MKI67: variants seen among roughly 807,000 people sequenced by gnomAD.
MKI67 encodes marker of proliferation Ki-67.
Under a neutral mutation model 233.5 loss-of-function variants are expected in MKI67, and 152 were observed. That is an observed-to-expected ratio of 0.65 (90% CI 0.57 to 0.74). The LOEUF (loss-of-function observed/expected upper bound fraction) is 0.74. Ranked by LOEUF, MKI67 falls within the 30% of genes least tolerant of loss-of-function variation. The pLI is 0.00. For missense variants in MKI67, 3,940 were observed against 3,885.2 expected (o/e 1.01, Z -0.37); for synonymous variants, 1,465 against 1,418.5 (o/e 1.03, Z -0.74).
rs540040283 is a variant in MKI67 at position 128,103,488 on chromosome 10, C to T, written c.8352G>A (p.Arg2784=). Residue 2784 remains arginine, a synonymous_variant, in exon 13 of 15, where the codon AGG becomes AGA. Coordinates refer to ENST00000368654, the MANE Select transcript of MKI67 (RefSeq NM_002417.5). ...PAPAASVTGS[R]RRPRAPRESA... ...TTTCCCTGGGTGCTCTTGGCCGTCT[C>T]CTGCTGCCAGTTACACTTGCTGCTG... 3 of 1,613,950 alleles carry T rather than the reference C, an allele frequency of 1.9e-6. No homozygotes were observed. In the Admixed American group the frequency reaches 5.0e-5, roughly 27 times the overall value.
At chr10:128,113,110 T>C (rs1852717161) in intron 8 of MKI67, among the ~76,000 whole-genome samples, 1 of 152,202 alleles carries the variant, frequency 6.6e-6, no homozygotes, top group African/African-American at 2.4e-5. Flanking sequence ...CCAGAATCTT[T>C]GTAATTGGCT....
rs377559591 is a variant in MKI67 at position 128,125,583 on chromosome 10, A to G, written c.85T>C (p.Phe29Leu). The change falls in exon 2 of 15, where the codon TTT becomes CTT. Residue 29 changes from phenylalanine to leucine, a missense_variant. By Grantham distance (22) the Phe-to-Leu change is conservative. Transcript: ENST00000368654. The surrounding 1 kb of genome is among the most constrained non-coding windows in gnomAD (Gnocchi z 5.3). ...CGCGCCCGCGGGGCTCACCTTCCAA[A>G]CAAGCAGGTGCTGAGGCTCAGGGGA... ...HFPLSLSTCL[F>L]GRGIECDIRI... 234 of 1,612,536 alleles carry G rather than the reference A, an allele frequency of 1.5e-4. 3 individuals carry two copies. In the Middle Eastern group the frequency reaches 2.9e-3, roughly 20 times the overall value.
At position 128,125,706 on chromosome 10, in the gene MKI67, G is replaced by T. The variant is rs1310592792; in HGVS notation, c.-39C>A. The T allele has an allele frequency of 1.3e-6, 2 of 1,551,006 alleles. No individual in the cohort carries two copies. The highest frequency in any genetic ancestry group is 1.4e-5 in the African/African-American group (1 of 73,868). The stretch of plus-strand genomic sequence containing the variant: ...AGTTGAGTATAATCCGTAGGGGAAG[G>T]CCAGGTATAATCCGTAGGGGAAGGC... On this transcript the variant is annotated 5_prime_UTR_variant, in exon 2 of 15. Coordinates refer to ENST00000368654, the MANE Select transcript of MKI67 (RefSeq NM_002417.5). This position sits in a 1 kb window ranked among gnomAD's most constrained non-coding sequence, Gnocchi z 5.3.
intron 5 of MKI67, among the ~76,000 whole-genome samples, chr10:128,118,835 C>T (rs1336889457): frequency 6.6e-6 from 1 of 152,192 alleles, no homozygotes; most frequent in African/African-American, 2.4e-5. Context: ...AGAGAAGCAT[C>T]TTTGGCACTC....
intron 13 of MKI67, 72 bp downstream of exon 13, chr10:128,102,507 A>C (rs1852355619): frequency 6.5e-7 from 1 of 1,540,756 alleles, no homozygotes; most frequent in African/African-American, 1.4e-5. Flanking sequence ...GTCAGGTTAC[A>C]TGCAAAGTAT....
At chr10:128,116,562 T>C in intron 5 of MKI67, 26 bp from the exon 6 acceptor site, 2 of 1,600,870 alleles carry the variant, frequency 1.2e-6, no homozygotes, top group East Asian at 2.2e-5. Context: ...ATAAGAACAG[T>C]TATTTGCAGG....
At position 128,115,081 on chromosome 10, in the gene MKI67, G is replaced by A. The variant is rs1030756832; in HGVS notation, c.1327C>T (p.Pro443Ser). 4 of 1,613,916 alleles carry A rather than the reference G, an allele frequency of 2.5e-6. No individual in the cohort carries two copies. The highest frequency in any genetic ancestry group is 3.4e-6 in the Non-Finnish European group (4 of 1,179,820). The change falls in exon 7 of 15, where the codon CCA (proline) becomes TCA (serine). Residue 443 changes from proline (P) to serine (S), a missense_variant. Coordinates refer to ENST00000368654, the MANE Select transcript of MKI67 (RefSeq NM_002417.5). Reference sequence around the variant, plus strand: ...TGAGTGAGCCACAGAGTTAAAAATGGCTCATTGTGAATTTCAGTTTCCGTA... The same window carrying A: ...TGAGTGAGCCACAGAGTTAAAAATGACTCATTGTGAATTTCAGTTTCCGTA... The part of the protein sequence containing the change: ...LPTETEIHNE[P>S]FLTLWLTQVE...
Position 128,111,992 on chromosome 10 carries a change from T to C in MKI67, c.2023A>G (p.Lys675Glu). ...VKLGAKQTQT[K>E]VIKHGPQRSM... ...CTTTGAGGACCATGTTTTATGACTT[T>C]AGTTTGTGTTTGTTTTGCACCAAGT... Residue 675 changes from lysine (K) to glutamate (E), a missense_variant, in exon 10 of 15, where the codon AAA (lysine) becomes GAA (glutamate). Physicochemically the swap from Lys to Glu is moderately conservative, Grantham distance 56 (BLOSUM62 1). Coordinates refer to ENST00000368654, the MANE Select transcript of MKI67 (RefSeq NM_002417.5). 2 of 1,613,772 alleles carry C rather than the reference T, an allele frequency of 1.2e-6. No homozygotes were observed. Among genetic ancestry groups the C allele is most frequent in the African/African-American group, 1.3e-5 (1 of 75,032 alleles).
In MKI67 at chr10:128,106,604, C is replaced by A. The variant is rs776545016; in HGVS notation, c.5236G>T (p.Asp1746Tyr). ...TGTGGCTTGGAGCTTGTTGGGGTGTCCACTAGGTCTGGCTGTGAAGCTCTG... is the reference window on the plus strand; with the variant it reads ...TGTGGCTTGGAGCTTGTTGGGGTGTACACTAGGTCTGGCTGTGAAGCTCTG... ...SYRASQPDLVDTPTSSKPQPK... is the reference protein window; with the variant it reads ...SYRASQPDLVYTPTSSKPQPK... The change falls in exon 13 of 15, where the codon GAC (aspartate) becomes TAC (tyrosine). Residue 1746 changes from aspartate to tyrosine, a missense_variant. By Grantham distance (160) the Asp-to-Tyr change is radical. Transcript: ENST00000368654. The A allele has an allele frequency of 2.5e-6, 4 of 1,613,962 alleles. No individual in the cohort carries two copies. The South Asian group carries it at 4.4e-5, about 18-fold the overall frequency.
chr10:128,115,763 A>G lies in MKI67; in HGVS notation c.645T>C (p.Tyr215=), dbSNP rs758592432. 6 of 1,613,360 alleles carry G rather than the reference A, an allele frequency of 3.7e-6. No individual in the cohort carries two copies. Among genetic ancestry groups the G allele is most frequent in the South Asian group, 1.1e-5 (1 of 91,090 alleles). ...TAGTGGGAACAGACTTCAATTCTCC[A>G]TAACGGCTCACTAATTTAACGCTGG... ...EISSVKLVSR[Y]GELKSVPTTQ... is the part of the protein sequence containing the mutation. The change falls in exon 7 of 15, where the codon TAT becomes TAC. Residue 215 remains tyrosine (Y), a synonymous_variant. Transcript: ENST00000368654.
chr10:128,107,591 T>C lies in MKI67; in HGVS notation c.4249A>G (p.Thr1417Ala), dbSNP rs1565005612. 1 of 1,614,156 alleles carries C rather than the reference T, an allele frequency of 6.2e-7. No homozygotes were observed. Among genetic ancestry groups the C allele is most frequent in the African/African-American group, 1.3e-5 (1 of 75,040 alleles). The change falls in exon 13 of 15, where the codon ACC (threonine) becomes GCC (alanine). Residue 1417 changes from threonine to alanine, a missense_variant. Physicochemically the swap from Thr to Ala is moderately conservative, Grantham distance 58. Coordinates refer to ENST00000368654, the MANE Select transcript of MKI67 (RefSeq NM_002417.5). ...CCTGGTACTTTATCTGTGTGTGTGG[T>C]TTCCCCTGATGTCTGTGTGAGCTTC... ...LKKLTQTSGE[T>A]THTDKVPGGE... is the part of the protein sequence containing the mutation.
chr10:128,111,794 CTG>C lies in MKI67; in HGVS notation c.2109_2110del (p.His703GlnfsTer4), dbSNP rs745517135. On this transcript the variant is annotated frameshift_variant, in exon 11 of 15. Coordinates refer to ENST00000368654, the MANE Select transcript of MKI67 (RefSeq NM_002417.5). LOFTEE classifies it high-confidence loss of function. ...GTTTGCGTGGCCTGTACTAAATTGA[CTG>C]TGAACTTCGCCCACAGGCTTCTGTA... 1 of 1,612,802 alleles carries C rather than the reference CTG, an allele frequency of 6.2e-7. No individual in the cohort carries two copies. Among genetic ancestry groups the C allele is most frequent in the Non-Finnish European group, 8.5e-7 (1 of 1,179,686 alleles).
In MKI67 at chr10:128,125,427, A is replaced by C; in HGVS notation, c.92+149T>G. ...TATACTTACAAAACAAAAAAACACA[A>C]CTATGTCAACTTAGTAACGAATGGG... On this transcript the variant is annotated intron_variant, in intron 2 of 14. Coordinates refer to ENST00000368654, the MANE Select transcript of MKI67 (RefSeq NM_002417.5). The surrounding 1 kb of genome is among the most constrained non-coding windows in gnomAD (Gnocchi z 5.3). 1.4e-6 allele frequency: 1 copy of C among 700,346 alleles called. No homozygotes were observed. The highest frequency in any genetic ancestry group is 2.5e-6 in the Non-Finnish European group (1 of 392,948). The allele number at this position is 700,346 out of a possible 1,614,324, so 43.4% of individuals were successfully genotyped here. A position where few individuals can be genotyped will look rare whatever the true frequency, so the allele number is the denominator to read the frequency against.
chr10:128,107,721 G>C lies in MKI67; in HGVS notation c.4119C>G (p.Cys1373Trp), dbSNP rs532498259. Reference sequence around the variant, plus strand: ...CTGCTGATTCTGGTGGAGAAGATTCGCAGGGCATTTTAGTAGTTTTGCCAG... The same window carrying C: ...CTGCTGATTCTGGTGGAGAAGATTCCCAGGGCATTTTAGTAGTTTTGCCAG... The part of the protein sequence containing the change: ...VAAGKTTKMP[C>W]ESSPPESADT... The change falls in exon 13 of 15, where the codon TGC (cysteine) becomes TGG (tryptophan). Residue 1373 changes from cysteine to tryptophan, a missense_variant. By Grantham distance (215) the Cys-to-Trp change is radical (BLOSUM62 -2). Coordinates refer to ENST00000368654, the MANE Select transcript of MKI67 (RefSeq NM_002417.5). 1 of 1,613,732 alleles carries C rather than the reference G, an allele frequency of 6.2e-7. No homozygotes were observed. The highest frequency in any genetic ancestry group is 8.5e-7 in the Non-Finnish European group (1 of 1,179,964).
At chr10:128,117,678 CTATCT>C (rs1481053864) in intron 5 of MKI67, among the ~76,000 whole-genome samples, 1 of 152,198 alleles carries the variant, frequency 6.6e-6, no homozygotes, top group Non-Finnish European at 1.5e-5. Context: ...GCTTCTAAAA[CTATCT>C]ATGTGAGGGA....
chr10:128,113,032 C>A (rs1852715618), intron 8 of MKI67, among the ~76,000 whole-genome samples: 1 of 152,158 alleles, frequency 6.6e-6, no homozygotes, highest in Non-Finnish European at 1.5e-5. Flanking sequence ...CAGGTAAATG[C>A]CTTAACTATA....
chr10:128,119,408 C>T (rs1353164385), intron 4 of MKI67, 89 bp from the exon 5 acceptor site: 3 of 853,282 alleles, frequency 3.5e-6, no homozygotes, highest in South Asian at 1.5e-5. Flanking sequence ...CAAGGATCAA[C>T]GAACAAACTT....
chr10:128,104,367 C>T lies in MKI67; in HGVS notation c.7473G>A (p.Met2491Ile). The T allele has an allele frequency of 1.9e-6, 3 of 1,614,196 alleles. No individual in the cohort carries two copies. The highest frequency in any genetic ancestry group is 1.7e-6 in the Non-Finnish European group (2 of 1,180,042). ...TGCTGACTGCTAGGGGCTCTTCTTTCATGTCCACTTTCACCAGGGGTATCT... is the reference window on the plus strand; with the variant it reads ...TGCTGACTGCTAGGGGCTCTTCTTTTATGTCCACTTTCACCAGGGGTATCT... ...RLKIPLVKVD[M>I]KEEPLAVSKL... The change falls in exon 13 of 15, where the codon ATG becomes ATA. Residue 2491 changes from methionine to isoleucine, a missense_variant. Physicochemically the swap from Met to Ile is conservative, Grantham distance 10. Coordinates refer to ENST00000368654, the MANE Select transcript of MKI67 (RefSeq NM_002417.5).
intron 14 of MKI67, among the ~76,000 whole-genome samples, chr10:128,099,650 C>G (rs1196447668): frequency 6.6e-6 from 1 of 152,332 alleles, no homozygotes; most frequent in African/African-American, 2.4e-5. Flanking sequence ...TAGACAGAAG[C>G]ATGCCCAACT....
Sources: allele counts gnomAD v4.1 joint callset (sites outside exome capture counted in the v4.1 genomes callset), GRCh38; gene constraint gnomAD v4.1.1; non-coding constraint Gnocchi (gnomAD v3.1); transcripts MANE v1.5; gene names NCBI Gene and HGNC (gene_info 2026-07-23, HGNC 2026-07-21).